The following DHX8 variants were observed in gnomAD, a reference collection of about 807,000 sequenced individuals.
DHX8 encodes DEAH-box helicase 8, also known as ATP-dependent RNA helicase DHX8.
A neutral mutation model predicts 140.7 loss-of-function variants in DHX8; 67 were observed. That is an observed-to-expected ratio of 0.48 (90% CI 0.39 to 0.58). The LOEUF is 0.58. DHX8 is among the 20% of genes least tolerant of loss of function. The pLI is 0.00. For missense variants in DHX8, 887 were observed against 1,550.7 expected (o/e 0.57, Z 7.19); for synonymous variants, 533 against 553.2 (o/e 0.96, Z 0.51).
intron 2 of DHX8, among the ~76,000 whole-genome samples, chr17:43,536,117 A>C (rs975357273): frequency 3.3e-5 from 5 of 151,608 alleles, no homozygotes; most frequent in African/African-American, 1.2e-4. Context: ...TCTTGGGGGG[A>C]AAACAAACAA....
At chr17:43,529,088 A>G (rs200291774), downstream of DHX8, 7 of 1,579,616 alleles carry the variant, frequency 4.4e-6, no homozygotes, top group Non-Finnish European at 5.2e-6. Context: ...TCAGCTTCTC[A>G]CAGCCACTGC....
chr17:43,513,575 A>C, intron 17 of DHX8, 73 bp downstream of exon 17: 1 of 1,505,014 alleles, frequency 6.6e-7, no homozygotes, highest in Non-Finnish European at 9.0e-7. Context: ...TTATGGTTAT[A>C]TATTTCAAAC....
At chr17:43,526,272 G>T, downstream of DHX8, 1 of 1,347,214 alleles carries the variant, frequency 7.4e-7, no homozygotes, top group Non-Finnish European at 9.6e-7. Context: ...CATGCAGAGA[G>T]CTGGGATCTT....
In DHX8 at chr17:43,524,639, G is replaced by T; in HGVS notation, c.*792G>T. On this transcript the variant is annotated 3_prime_UTR_variant, in exon 23 of 23. Coordinates refer to ENST00000262415, the MANE Select transcript of DHX8 (RefSeq NM_004941.3). ...TATTAAATACAGAAGGTTTCCCCTT[G>T]CTCCCTCCACCTCCCACATTCGCAA... 1.0e-6 allele frequency: 1 copy of T among 985,458 alleles called. No individual in the cohort carries two copies. Among genetic ancestry groups the T allele is most frequent in the Non-Finnish European group, 1.2e-6 (1 of 829,970 alleles). 61.0% of individuals were successfully genotyped at this position (985,458 alleles called of 1,614,324 possible).
chr17:43,508,529 G>A lies in DHX8; in HGVS notation c.2502+9G>A, dbSNP rs1969613919. 2 of 1,599,098 alleles carry A rather than the reference G, an allele frequency of 1.3e-6. No individual in the cohort carries two copies. Among genetic ancestry groups the A allele is most frequent in the Non-Finnish European group, 1.7e-6 (2 of 1,171,424 alleles). On this transcript the variant is annotated intron_variant, in intron 16 of 22. Transcript: ENST00000262415. ...CACCAGGCAGCAGAAAGGTAACATG[G>A]GCAAAAATGAAGCTTCCATGTGCCC...
intron 11 of DHX8, among the ~76,000 whole-genome samples, chr17:43,502,625 A>G (rs143356537): frequency 6.6e-5 from 10 of 152,234 alleles, no homozygotes; most frequent in Non-Finnish European, 1.5e-4. Flanking sequence ...GCGTTTCACC[A>G]TGTTGGTCAG....
At chr17:43,520,508 C>T (rs1455560764) in intron 19 of DHX8, among the ~76,000 whole-genome samples, 4 of 152,202 alleles carry the variant, frequency 2.6e-5, no homozygotes, top group Admixed American at 1.3e-4. Context: ...TAATTAGAAA[C>T]GGCATCTGCA....
downstream of DHX8, chr17:43,525,754 G>C: frequency 2.0e-6 from 2 of 985,502 alleles, no homozygotes; most frequent in African/African-American, 3.5e-5. Flanking sequence ...ACAGGTGCAT[G>C]CCACCACACC....
At position 43,525,318 on chromosome 17, in the gene DHX8, CTATG is replaced by C; in HGVS notation, c.*1474_*1477del. 1 of 985,074 alleles carries C rather than the reference CTATG, an allele frequency of 1.0e-6. No homozygotes were observed. The highest frequency in any genetic ancestry group is 1.2e-6 in the Non-Finnish European group (1 of 829,634). 61.0% of individuals were successfully genotyped at this position (985,074 alleles called of 1,614,324 possible). The stretch of plus-strand genomic sequence containing the variant: ...ACTGTATGCCAGACACTAAGAGAGA[CTATG>C]TAACATTCCAGGATATAAAGGAATG... On this transcript the variant is annotated 3_prime_UTR_variant, in exon 23 of 23. Coordinates refer to ENST00000262415, the MANE Select transcript of DHX8 (RefSeq NM_004941.3).
chr17:43,524,814 G>A lies in DHX8; in HGVS notation c.*967G>A. 1 of 985,316 alleles carries A rather than the reference G, an allele frequency of 1.0e-6. No homozygotes were observed. Among genetic ancestry groups the A allele is most frequent in the Non-Finnish European group, 1.2e-6 (1 of 829,914 alleles). 61.0% of individuals were successfully genotyped at this position (985,316 alleles called of 1,614,324 possible). On this transcript the variant is annotated 3_prime_UTR_variant, in exon 23 of 23. Coordinates refer to ENST00000262415, the MANE Select transcript of DHX8 (RefSeq NM_004941.3). ...AACCTCCCTTTCCCCACTCCAAACA[G>A]AAAACAAACATAACACCTCTCCTCT...
Position 43,492,785 on chromosome 17 carries a change from G to A in DHX8, c.608G>A (p.Arg203Gln), listed in dbSNP as rs149466238. Reference protein sequence around the residue: ...NRDRDHKRRHRSRSRSRSRTR... With the variant: ...NRDRDHKRRHQSRSRSRSRTR... ...GATAGAGACCACAAGCGGAGACACC[G>A]ATCCCGCTCTCGATCACGTTCCAGG... Residue 203 changes from arginine (R) to glutamine (Q), a missense_variant, in exon 6 of 23, where the codon CGA becomes CAA. Around this residue, in one of 9 missense-constraint regions of DHX8, gnomAD observed 304 missense variants for 306.9 expected, o/e 0.99. Transcript: ENST00000262415. 5.0e-6 allele frequency: 8 copies of A among 1,614,002 alleles called. No individual in the cohort carries two copies. The highest frequency in any genetic ancestry group is 4.5e-5 in the East Asian group (2 of 44,898).
chr17:43,515,978 T>C (rs559551807), intron 17 of DHX8, among the ~76,000 whole-genome samples: 1 of 152,274 alleles, frequency 6.6e-6, no homozygotes, highest in South Asian at 2.1e-4. Flanking sequence ...ACTACATTTT[T>C]TTTAATTAAA....
At chr17:43,536,781 C>G (rs1314820924) in intron 3 of DHX8, among the ~76,000 whole-genome samples, 1 of 152,266 alleles carries the variant, frequency 6.6e-6, no homozygotes, top group Non-Finnish European at 1.5e-5. Context: ...AAGTGGCCCA[C>G]AGGCCCACGG....
intron 4 of DHX8, 59 bp from the exon 5 acceptor site, chr17:43,492,124 G>C: frequency 8.7e-7 from 1 of 1,145,064 alleles, no homozygotes; most frequent in Non-Finnish European, 1.3e-6. Flanking sequence ...TGTACCTGAG[G>C]TACATACAGA....
intron 2 of DHX8, among the ~76,000 whole-genome samples, chr17:43,534,792 T>C (rs1183747452): frequency 6.6e-6 from 1 of 151,956 alleles, no homozygotes; most frequent in Non-Finnish European, 1.5e-5. Context: ...TACAAAAAAA[T>C]TAGCCGGGCG....
downstream of DHX8, chr17:43,529,343 G>A (rs12948553): frequency 0.12 from 170,815 of 1,397,198 alleles, 11,175 homozygotes; most frequent in African/African-American, 0.14. Context: ...TGCCAAGCTA[G>A]CTCTGCAACA....
At chr17:43,538,831 C>T (rs1412345195) in intron 3 of DHX8, among the ~76,000 whole-genome samples, 1 of 152,144 alleles carries the variant, frequency 6.6e-6, no homozygotes, top group Non-Finnish European at 1.5e-5. Context: ...CTGCTCTCTC[C>T]TTCCCTGGAG....
At chr17:43,499,018 A>T in intron 10 of DHX8, 59 bp downstream of exon 10, 1 of 1,319,214 alleles carries the variant, frequency 7.6e-7, no homozygotes, top group South Asian at 1.3e-5. Context: ...TTCTAAAGTA[A>T]TGGGTCAGGT....
chr17:43,492,576 C>A, intron 5 of DHX8, 105 bp from the exon 6 acceptor site: 1 of 689,434 alleles, frequency 1.5e-6, no homozygotes, highest in Non-Finnish European at 2.5e-6. Flanking sequence ...AGTTCAAAAC[C>A]TAGTGGGTAC....
Sources: gnomAD v4.1 joint callset for allele counts (sites outside exome capture counted in the v4.1 genomes callset) on GRCh38, gnomAD v4.1.1 for gene constraint, gnomAD v4.1.1 regional missense constraint, MANE v1.5 for transcripts, NCBI Gene and HGNC (gene_info 2026-07-23, HGNC 2026-07-21) for gene names.